Variants in MLIP observed in about 807,000 individuals in gnomAD.
MLIP encodes the protein muscular LMNA interacting protein.
In MLIP, 79 loss-of-function variants were observed where a neutral mutation model predicts 84.8. The ratio of observed to expected loss-of-function variants is 0.93; its 90% CI spans 0.78 to 1.12. MLIP has a LOEUF of 1.12. Among genes scored for constraint, MLIP ranks in the 50% most tolerant of loss-of-function variants. MLIP has a pLI of 0.00. For synonymous variants in MLIP, 504 were observed against 463.0 expected (o/e 1.09, Z -1.14); for missense variants, 1,257 against 1,160.6 (o/e 1.08, Z -1.21).
chr6:54,130,456 C>A (rs1056812664), intron 3 of MLIP, among the ~76,000 whole-genome samples: 1 of 152,070 alleles, frequency 6.6e-6, no homozygotes, highest in Non-Finnish European at 1.5e-5. Flanking sequence ...TAAGAGGGGG[C>A]AATTGCTGAG....
rs945509465 is a variant in MLIP at position 54,148,364 on chromosome 6, T to G, written c.2218-692T>G. 7.9e-5 allele frequency among the ~76,000 whole-genome samples: 12 copies of G among 152,282 alleles called. No homozygotes were observed. In the East Asian group the frequency reaches 2.3e-3, roughly 29 times the overall value. ...AGATATTCTACAACACTGAACTGTATTATTCTGAGTTGTACTTAACACTTA... is the reference window on the plus strand; with the variant it reads ...AGATATTCTACAACACTGAACTGTAGTATTCTGAGTTGTACTTAACACTTA... On this transcript the variant is annotated intron_variant, in intron 4 of 13. Transcript: ENST00000502396.
chr6:54,251,473 TCTCC>T, intron 12 of MLIP, among the ~76,000 whole-genome samples: 2 of 129,404 alleles, frequency 1.5e-5, no homozygotes, highest in East Asian at 2.0e-4. Flanking sequence ...TATATCTGTC[TCTCC>T]ATATGAGACA....
rs1423749543 is a variant in MLIP, at chr6:54,136,802, C to T, written c.733C>T (p.Pro245Ser). Residue 245 changes from proline (P) to serine (S), a missense_variant, in exon 4 of 14, where the codon CCC becomes TCC. By Grantham distance (74) the Pro-to-Ser change is moderately conservative. Coordinates refer to ENST00000502396, the MANE Select transcript of MLIP (RefSeq NM_001281747.2). The stretch of plus-strand genomic sequence containing the variant: ...TTCTCCAACTAATCCGAACACACCA[C>T]CCGACCCAGTTAACCTCGAGGGAGC... ...FVSPTNPNTPPDPVNLEGASV... is the reference protein window; with the variant it reads ...FVSPTNPNTPSDPVNLEGASV... The T allele has an allele frequency of 6.5e-7, 1 of 1,529,530 alleles. No homozygotes were observed. The highest frequency in any genetic ancestry group is 8.8e-7 in the Non-Finnish European group (1 of 1,141,350). The allele number at this position is 1,529,530 out of a possible 1,614,324, so 94.7% of individuals were successfully genotyped here.
At chr6:54,021,259 C>T (rs999014720) in intron 1 of MLIP, among the ~76,000 whole-genome samples, 22 of 151,758 alleles carry the variant, frequency 1.4e-4, no homozygotes, top group Non-Finnish European at 2.2e-4. Flanking sequence ...TAGTAAAGTT[C>T]GTAAAAGTCT....
At chr6:54,132,314 G>GA (rs1187515520) in intron 3 of MLIP, among the ~76,000 whole-genome samples, 1 of 152,054 alleles carries the variant, frequency 6.6e-6, no homozygotes, top group Non-Finnish European at 1.5e-5. Context: ...AGGGAGCTAG[G>GA]AAAAAATTAA....
At chr6:54,060,039 A>C (rs1201554953) in intron 1 of MLIP, among the ~76,000 whole-genome samples, 1 of 49,672 alleles carries the variant, frequency 2.0e-5, no homozygotes, top group Non-Finnish European at 1.1e-4. Flanking sequence ...TAAAATAGTA[A>C]ATTTAATGCT....
chr6:54,083,775 G>A (rs555440960), intron 1 of MLIP, among the ~76,000 whole-genome samples: 1 of 152,292 alleles, frequency 6.6e-6, no homozygotes, highest in South Asian at 2.1e-4. Context: ...TCAGACAACA[G>A]ATGTTAAATT....
Position 54,137,038 on chromosome 6 carries a change from C to G in MLIP, c.969C>G (p.Thr323=). ...CAGCAGATCCAAAGCCTGGACTGAC[C>G]TCTGAAGTTCTCAAGAAGACAACTT... ...STAADPKPGL[T]SEVLKKTTLT... The change falls in exon 4 of 14, where the codon ACC becomes ACG. Residue 323 remains threonine, a synonymous_variant. Transcript: ENST00000502396. The G allele has an allele frequency of 6.5e-7, 1 of 1,536,114 alleles. No individual in the cohort carries two copies. Among genetic ancestry groups the G allele is most frequent in the African/African-American group, 1.4e-5 (1 of 73,160 alleles).
intron 5 of MLIP, among the ~76,000 whole-genome samples, chr6:54,159,628 A>C (rs935853240): frequency 1.3e-5 from 2 of 152,006 alleles, no homozygotes; most frequent in African/African-American, 4.8e-5. Flanking sequence ...TTCAGCAACA[A>C]CCCAGCAGAC....
At chr6:54,094,670 G>C (rs1328737042) in intron 1 of MLIP, among the ~76,000 whole-genome samples, 2 of 151,636 alleles carry the variant, frequency 1.3e-5, no homozygotes, top group East Asian at 3.9e-4. Context: ...GCTACACTAA[G>C]GTTTCCTAAA....
chr6:54,074,074 T>C (rs1481614912), intron 1 of MLIP, among the ~76,000 whole-genome samples: 1 of 152,226 alleles, frequency 6.6e-6, no homozygotes, highest in Non-Finnish European at 1.5e-5. Flanking sequence ...TCCAGCCGCA[T>C]TTTGTTGGGT....
At chr6:54,218,696 A>G (rs895367084) in intron 11 of MLIP, among the ~76,000 whole-genome samples, 5 of 151,832 alleles carry the variant, frequency 3.3e-5, no homozygotes, top group African/African-American at 1.2e-4. Context: ...TTGTATTTTT[A>G]GTAGAGATGG....
intron 4 of MLIP, among the ~76,000 whole-genome samples, chr6:54,142,468 A>G (rs188184817): frequency 4.6e-5 from 7 of 152,302 alleles, no homozygotes; most frequent in African/African-American, 9.6e-5. Context: ...ATACTCCTTA[A>G]GAGAGTATAG....
intron 5 of MLIP, among the ~76,000 whole-genome samples, chr6:54,156,737 T>A (rs922033781): frequency 6.6e-6 from 1 of 152,120 alleles, no homozygotes; most frequent in East Asian, 1.9e-4. Flanking sequence ...GTTTACCCAG[T>A]GATTCATCAT....
At chr6:54,172,267 T>A (rs1217844780) in intron 9 of MLIP, among the ~76,000 whole-genome samples, 1 of 151,548 alleles carries the variant, frequency 6.6e-6, no homozygotes, top group Non-Finnish European at 1.5e-5. Flanking sequence ...AAAATAAAAT[T>A]TAAAAGGTAT....
chr6:54,177,348 GA>G (rs1222472183), intron 9 of MLIP, among the ~76,000 whole-genome samples: 15 of 151,518 alleles, frequency 9.9e-5, no homozygotes, highest in Admixed American at 9.2e-4. Context: ...AAATTTAAAA[GA>G]AAAAAACAAA....
At chr6:54,177,326 AGG>A (rs2150621594) in intron 9 of MLIP, among the ~76,000 whole-genome samples, 1 of 152,328 alleles carries the variant, frequency 6.6e-6, no homozygotes, top group South Asian at 2.1e-4. Context: ...AGAATCTACA[AGG>A]AACTTAAACA....
intron 5 of MLIP, among the ~76,000 whole-genome samples, chr6:54,155,788 G>A (rs1451051706): frequency 6.6e-6 from 1 of 152,044 alleles, no homozygotes; most frequent in Non-Finnish European, 1.5e-5. Context: ...TTTCTGCTAT[G>A]AGATTTATTT....
At position 54,059,918 on chromosome 6, in the gene MLIP, A is replaced by G. The variant is rs549110121; in HGVS notation, c.63+40827A>G. ...GGTTATTTCCTTTCTAGTTCTCAAA[A>G]TATTTTGAGCCTTGATTGACTGAAA... On this transcript the variant is annotated intron_variant, in intron 1 of 12. Transcript: ENST00000274897. Among the ~76,000 whole-genome samples, 17 of 152,372 alleles carry G rather than the reference A, an allele frequency of 1.1e-4. No homozygotes were observed. The South Asian group carries it at 3.1e-3, about 28-fold the overall frequency.
Sources: allele counts gnomAD v4.1 joint callset (sites outside exome capture counted in the v4.1 genomes callset), GRCh38; gene constraint gnomAD v4.1.1; transcripts MANE v1.5; gene names NCBI Gene and HGNC (gene_info 2026-07-23, HGNC 2026-07-21).